Variants in NYAP2 observed in about 807,000 individuals in gnomAD.
NYAP2 encodes the protein neuronal tyrosine-phosphorylated phosphoinositide-3-kinase adaptor 2, also known as neuronal tyrosine-phosphorylated phosphoinositide-3-kinase adapter 2.
A neutral mutation model predicts 50.4 loss-of-function variants in NYAP2; 23 were observed. That is an observed-to-expected ratio of 0.46 (90% CI 0.33 to 0.65). NYAP2 has a LOEUF of 0.65. Ranked by LOEUF, NYAP2 falls within the 30% of genes least tolerant of loss-of-function variation. NYAP2 has a pLI of 0.02. For missense variants in NYAP2, 885 were observed against 861.0 expected, an observed-to-expected ratio of 1.03 and a Z score of -0.35; for synonymous variants, 394 against 365.2, an observed-to-expected ratio of 1.08 and a Z score of -0.90.
chr2:225,612,178 G>A (rs557878040), intron 5 of NYAP2, among the ~76,000 whole-genome samples: 2 of 149,038 alleles, frequency 1.3e-5, no homozygotes, highest in African/African-American at 2.5e-5. Flanking sequence ...AGTGTCTCAG[G>A]AGATGAGTTG....
rs115134932 is a variant in NYAP2, at chr2:225,591,671, G to A, written c.1618+8636G>A. 5.6e-3 allele frequency among the ~76,000 whole-genome samples: 845 copies of A among 152,222 alleles called. 11 individuals carry two copies. Among genetic ancestry groups the A allele is most frequent in the African/African-American group, 0.018 (765 of 41,526 alleles). ...TGGAAGAAACTGAGGCACAACTCAC[G>A]CAGTCACATGGGGAGTAAATCTGGG... On this transcript the variant is annotated intron_variant, in intron 5 of 6. Coordinates refer to ENST00000636099, the Ensembl canonical transcript of NYAP2.
At chr2:225,447,410 C>A (rs1281599353) in intron 3 of NYAP2, among the ~76,000 whole-genome samples, 1 of 152,158 alleles carries the variant, frequency 6.6e-6, no homozygotes, top group African/African-American at 2.4e-5. Flanking sequence ...GACATCTTGA[C>A]ATAGTTGATA....
At chr2:225,589,516 A>AAAAAATATATATAT (rs112700820) in intron 5 of NYAP2, among the ~76,000 whole-genome samples, 1 of 71,342 alleles carries the variant, frequency 1.4e-5, no homozygotes, top group Non-Finnish European at 2.7e-5. Context: ...CTAAAAGTAA[A>AAAAAATATATATAT]ATATATATAT....
chr2:225,551,037 C>T (rs1013501069), intron 4 of NYAP2, among the ~76,000 whole-genome samples: 1 of 152,204 alleles, frequency 6.6e-6, no homozygotes, highest in African/African-American at 2.4e-5. Flanking sequence ...TCACACAGCA[C>T]TGGCCCAAAA....
At chr2:225,535,545 AAAG>A (rs1473301361) in intron 4 of NYAP2, among the ~76,000 whole-genome samples, 1 of 152,176 alleles carries the variant, frequency 6.6e-6, no homozygotes, top group Non-Finnish European at 1.5e-5. Flanking sequence ...TGGAGAGGAA[AAAG>A]AAGGTGAGAC....
chr2:225,679,226 G>T, the NYAP2 span, among the ~76,000 whole-genome samples: 1 of 151,930 alleles, frequency 6.6e-6, no homozygotes, highest in Non-Finnish European at 1.5e-5. Context: ...AGGTAGAAAA[G>T]AAAATATTAA....
At chr2:225,430,258 T>A (rs571790214) in intron 3 of NYAP2, among the ~76,000 whole-genome samples, 1 of 152,354 alleles carries the variant, frequency 6.6e-6, no homozygotes, top group South Asian at 2.1e-4. Context: ...CAGGACCTTA[T>A]TAATTTCCCC....
rs114746284 is a variant in NYAP2, at chr2:225,450,964, T to A, written c.221+41863T>A. Among the ~76,000 whole-genome samples, 363 of 152,230 alleles carry A rather than the reference T, an allele frequency of 2.4e-3. 2 individuals are homozygous for A. Among genetic ancestry groups the A allele is most frequent in the African/African-American group, 8.3e-3 (346 of 41,534 alleles). ...TACTTTTGGAATAGATGAAAAAATA[T>A]CACTTAGGCTGGGGGAGGGGAAATT... is the stretch of plus-strand genomic sequence containing the variant. On this transcript the variant is annotated intron_variant, in intron 3 of 6. Coordinates refer to ENST00000636099, the Ensembl canonical transcript of NYAP2.
chr2:225,625,742 C>T (rs116301023), intron 5 of NYAP2, among the ~76,000 whole-genome samples: 2,773 of 151,906 alleles, frequency 0.018, 90 homozygotes, highest in African/African-American at 0.063. Flanking sequence ...AGATTCTTGC[C>T]GATGATATTA....
At chr2:225,599,047 C>T (rs1452980242) in intron 5 of NYAP2, among the ~76,000 whole-genome samples, 1 of 152,138 alleles carries the variant, frequency 6.6e-6, no homozygotes, top group Non-Finnish European at 1.5e-5. Context: ...TTCCTTCCCC[C>T]ACACCTCCTT....
chr2:225,533,226 G>T (rs1691288335), intron 4 of NYAP2, among the ~76,000 whole-genome samples: 1 of 152,176 alleles, frequency 6.6e-6, no homozygotes, highest in Non-Finnish European at 1.5e-5. Flanking sequence ...GAATAAAAAT[G>T]CTCTTATGTC....
At chr2:225,470,320 G>A (rs905923337) in intron 3 of NYAP2, among the ~76,000 whole-genome samples, 6 of 151,866 alleles carry the variant, frequency 4.0e-5, no homozygotes, top group African/African-American at 1.5e-4. Context: ...TTTATTGTAT[G>A]CATATGCACT....
At chr2:225,478,715 T>C (rs1574635262) in intron 3 of NYAP2, among the ~76,000 whole-genome samples, 1 of 152,154 alleles carries the variant, frequency 6.6e-6, no homozygotes, top group Admixed American at 6.5e-5. Context: ...AATACAATGG[T>C]CCTGAAAGCT....
chr2:225,446,923 T>A (rs140438535), intron 3 of NYAP2, among the ~76,000 whole-genome samples: 69 of 152,128 alleles, frequency 4.5e-4, no homozygotes, highest in African/African-American at 1.6e-3. Flanking sequence ...CACAGGACAA[T>A]TCAACCAGAG....
Position 225,533,444 on chromosome 2 carries a change from T to C in NYAP2, c.523+19772T>C, listed in dbSNP as rs180966965. Among the ~76,000 whole-genome samples, 611 of 152,330 alleles carry C rather than the reference T, an allele frequency of 4.0e-3. 2 individuals are homozygous for C. The highest frequency in any genetic ancestry group is 0.014 in the African/African-American group (592 of 41,584). ...GCTCATGCCTATAATCCCAGCACTTTGGAAGGCTAAGGCGGGTGGAGTGCT... is the reference window on the plus strand; with the variant it reads ...GCTCATGCCTATAATCCCAGCACTTCGGAAGGCTAAGGCGGGTGGAGTGCT... On this transcript the variant is annotated intron_variant, in intron 4 of 6. Transcript: ENST00000636099.
At chr2:225,522,157 TTC>T (rs1000177948) in intron 4 of NYAP2, among the ~76,000 whole-genome samples, 79 of 152,284 alleles carry the variant, frequency 5.2e-4, no homozygotes, top group African/African-American at 1.9e-3. Context: ...TATTTGATTC[TTC>T]TCTCTTTTCT....
At chr2:225,489,157 G>A (rs1690360190) in intron 3 of NYAP2, among the ~76,000 whole-genome samples, 1 of 151,960 alleles carries the variant, frequency 6.6e-6, no homozygotes, top group South Asian at 2.1e-4. Flanking sequence ...ATATATAAGA[G>A]GCTCCCCTTT....
intron 6 of NYAP2, among the ~76,000 whole-genome samples, chr2:225,634,292 A>G (rs1693373816): frequency 6.6e-6 from 1 of 152,158 alleles, no homozygotes; most frequent in African/African-American, 2.4e-5. Context: ...TATGGTTTTA[A>G]CCTTCAAAAT....
At chr2:225,564,705 A>T (rs1302412185) in intron 4 of NYAP2, among the ~76,000 whole-genome samples, 1 of 151,952 alleles carries the variant, frequency 6.6e-6, no homozygotes, top group Non-Finnish European at 1.5e-5. Flanking sequence ...AAACATGCTC[A>T]CTATCTGCAT....
Sources: gnomAD v4.1 joint callset for allele counts (sites outside exome capture counted in the v4.1 genomes callset) on GRCh38, gnomAD v4.1.1 for gene constraint, MANE v1.5 for transcripts, NCBI Gene and HGNC (gene_info 2026-07-23, HGNC 2026-07-21) for gene names.